TRMT11: variants seen among roughly 807,000 people sequenced by gnomAD.
The protein encoded by TRMT11 is tRNA methyltransferase 11.
Under a neutral mutation model 62.8 loss-of-function variants are expected in TRMT11, and 53 were observed. That is an observed-to-expected ratio of 0.84 (90% CI 0.68 to 1.06). The LOEUF is 1.06. TRMT11 is among the 50% of genes least tolerant of loss of function. The probability of loss-of-function intolerance (pLI) is 0.00; values close to 1 mark genes in which losing one functional copy is unlikely to be tolerated. For synonymous variants in TRMT11, 188 were observed against 190.3 expected (o/e 0.99, Z 0.10); for missense variants, 556 against 553.4 (o/e 1.00, Z -0.05).
upstream of TRMT11, among the ~76,000 whole-genome samples, chr6:126,176,240 A>G (rs931828566): frequency 6.6e-6 from 1 of 152,228 alleles, no homozygotes; most frequent in African/African-American, 2.4e-5. Context: ...CCAGCCCTGT[A>G]AACAACTGCT....
chr6:126,212,492 T>C, the TRMT11 span, among the ~76,000 whole-genome samples: 1 of 152,184 alleles, frequency 6.6e-6, no homozygotes, highest in African/African-American at 2.4e-5. Context: ...TATCTTATTA[T>C]AGTTTTGGGT....
intron 12 of TRMT11, 72 bp from the exon 13 acceptor site, chr6:126,038,633 A>G (rs1400504024): frequency 2.9e-6 from 4 of 1,371,326 alleles, no homozygotes; most frequent in Admixed American, 2.6e-5. Flanking sequence ...ATTTTGCTTA[A>G]GGTAAACAAC....
chr6:126,021,403 AT>A, intron 12 of TRMT11, 123 bp downstream of exon 12: 2 of 1,197,534 alleles, frequency 1.7e-6, no homozygotes, highest in Non-Finnish European at 2.3e-6. Context: ...TTACAGATCA[AT>A]TTAGGAAGAG....
downstream of TRMT11, among the ~76,000 whole-genome samples, chr6:126,202,834 A>G (rs1049779976): frequency 3.9e-5 from 6 of 152,332 alleles, no homozygotes; most frequent in African/African-American, 1.4e-4. Context: ...GGGTTAAGCA[A>G]AGACGGTGTT....
chr6:126,038,922 A>G lies in TRMT11; in HGVS notation c.*86A>G. On this transcript the variant is annotated 3_prime_UTR_variant, in exon 13 of 13. Transcript: ENST00000334379. ...TGAACTTTCATGTATGATCCAGAAA[A>G]TAGGTACGGTTTTAAAATATTTTAT... 9.0e-7 allele frequency: 1 copy of G among 1,107,884 alleles called. No individual in the cohort carries two copies. Among genetic ancestry groups the G allele is most frequent in the Non-Finnish European group, 1.3e-6 (1 of 785,538 alleles). The allele number at this position is 1,107,884 out of a possible 1,614,324, so 68.6% of individuals were successfully genotyped here.
At chr6:126,129,108 G>A (rs60012146) in intron 21 of TRMT11, among the ~76,000 whole-genome samples, 1 of 152,178 alleles carries the variant, frequency 6.6e-6, no homozygotes, top group East Asian at 1.9e-4. Flanking sequence ...TTTATAAAAT[G>A]AAGAAGCCAA....
chr6:126,151,843 TTTC>T (rs1778051550), intron 21 of TRMT11, among the ~76,000 whole-genome samples: 2 of 145,620 alleles, frequency 1.4e-5, no homozygotes, highest in Non-Finnish European at 3.0e-5. Flanking sequence ...TCTTTCTTTC[TTTC>T]TTTCTTTCTT....
intron 21 of TRMT11, among the ~76,000 whole-genome samples, chr6:126,147,644 C>G (rs1195107181): frequency 6.6e-6 from 1 of 152,056 alleles, no homozygotes; most frequent in Non-Finnish European, 1.5e-5. Flanking sequence ...TACCTCATGT[C>G]CTCACTCTCC....
chr6:126,151,691 C>T (rs1778040891), intron 21 of TRMT11, among the ~76,000 whole-genome samples: 1 of 151,854 alleles, frequency 6.6e-6, no homozygotes, highest in Non-Finnish European at 1.5e-5. Context: ...TGTCTCCCAC[C>T]CTTTTATTCA....
At chr6:126,267,335 G>T in the TRMT11 span, among the ~76,000 whole-genome samples, 7 of 152,254 alleles carry the variant, frequency 4.6e-5, no homozygotes, top group Non-Finnish European at 8.8e-5. Context: ...GACTCTGTAA[G>T]TATTAATTTC....
At chr6:126,148,978 G>A (rs927894264) in intron 21 of TRMT11, among the ~76,000 whole-genome samples, 1 of 152,188 alleles carries the variant, frequency 6.6e-6, no homozygotes, top group South Asian at 2.1e-4. Context: ...ACATCCAGGT[G>A]TGCTGTGAGA....
intron 11 of TRMT11, among the ~76,000 whole-genome samples, chr6:126,014,322 C>G (rs190858645): frequency 6.6e-6 from 1 of 151,488 alleles, no homozygotes; most frequent in Admixed American, 6.6e-5. Flanking sequence ...ACCATCTCAG[C>G]TCACTGAAAC....
chr6:126,027,470 A>G (rs543183164), intron 12 of TRMT11, among the ~76,000 whole-genome samples: 11 of 152,296 alleles, frequency 7.2e-5, no homozygotes, highest in South Asian at 4.1e-4. Flanking sequence ...TTAAATTACT[A>G]TTACATTAAG....
At chr6:126,180,876 C>T (rs1398093041) in intron 1 of TRMT11, among the ~76,000 whole-genome samples, 2 of 152,142 alleles carry the variant, frequency 1.3e-5, no homozygotes, top group African/African-American at 2.4e-5. Context: ...AATTACACAA[C>T]TTAATTTAAT....
intron 17 of TRMT11, among the ~76,000 whole-genome samples, chr6:126,107,484 TG>T (rs995770864): frequency 1.3e-5 from 2 of 152,160 alleles, no homozygotes; most frequent in Non-Finnish European, 2.9e-5. Flanking sequence ...CGATGGAGTT[TG>T]GGGTGACAGA....
the TRMT11 span, among the ~76,000 whole-genome samples, chr6:126,214,812 G>A: frequency 6.6e-6 from 1 of 151,598 alleles, no homozygotes; most frequent in Admixed American, 6.6e-5. Flanking sequence ...GTTCTTTAAG[G>A]AGCACATTTA....
chr6:126,216,580 T>C, the TRMT11 span, among the ~76,000 whole-genome samples: 1 of 152,178 alleles, frequency 6.6e-6, no homozygotes, highest in African/African-American at 2.4e-5. Flanking sequence ...TCCTGGACTG[T>C]AAGGTTTCCA....
chr6:126,223,502 C>T, the TRMT11 span, among the ~76,000 whole-genome samples: 1,590 of 152,224 alleles, frequency 0.01, 32 homozygotes, highest in African/African-American at 0.037. Flanking sequence ...TGTCTTCAGA[C>T]TTGTAAGGTT....
At chr6:126,171,821 C>T (rs1036779941) in intron 21 of TRMT11, among the ~76,000 whole-genome samples, 6 of 152,048 alleles carry the variant, frequency 3.9e-5, no homozygotes, top group African/African-American at 1.4e-4. Context: ...CGGCTTCAAA[C>T]GATTCTCCTG....
Sources: gnomAD v4.1 joint callset for allele counts (sites outside exome capture counted in the v4.1 genomes callset) on GRCh38, gnomAD v4.1.1 for gene constraint, MANE v1.5 for transcripts, NCBI Gene and HGNC (gene_info 2026-07-23, HGNC 2026-07-21) for gene names.